KYAT3: variants seen among roughly 807,000 people sequenced by gnomAD.
The protein encoded by KYAT3 is kynurenine--oxoglutarate transaminase 3.
In KYAT3, 50 loss-of-function variants were observed where a neutral mutation model predicts 59.0. The observed-to-expected ratio is 0.85, with a 90% CI of 0.68 to 1.07. KYAT3 has a LOEUF of 1.07. Among genes scored for constraint, KYAT3 ranks in the 50% least tolerant of loss-of-function variants. The pLI, the probability that KYAT3 is intolerant of heterozygous loss-of-function variation, is 0.00. For synonymous variants in KYAT3, 148 were observed against 177.0 expected, an observed-to-expected ratio of 0.84 and a Z score of 1.30; for missense variants, 497 against 533.3, an observed-to-expected ratio of 0.93 and a Z score of 0.67.
intron 2 of KYAT3, among the ~76,000 whole-genome samples, chr1:88,986,858 G>A (rs370762195): frequency 9.9e-5 from 15 of 152,094 alleles, no homozygotes; most frequent in Non-Finnish European, 8.8e-5. Flanking sequence ...TTTTTCATTC[G>A]TCCAGCAATA....
intron 2 of KYAT3, chr1:88,982,765 C>G: frequency 1.2e-6 from 2 of 1,613,928 alleles, no homozygotes; most frequent in Non-Finnish European, 1.7e-6. Flanking sequence ...AAGGGTACCC[C>G]CTTTCTACAG....
chr1:88,947,512 G>C (rs902943216), intron 11 of KYAT3, among the ~76,000 whole-genome samples: 2 of 152,146 alleles, frequency 1.3e-5, no homozygotes, highest in Non-Finnish European at 2.9e-5. Flanking sequence ...GAGCCACAAG[G>C]ATGTCTGCCA....
At chr1:88,983,882 T>C in intron 2 of KYAT3, 1 of 1,608,866 alleles carries the variant, frequency 6.2e-7, no homozygotes, top group African/African-American at 1.3e-5. Context: ...TCCAACAAGC[T>C]CGCCGACAGG....
At chr1:88,948,214 C>T (rs1453237905) in intron 11 of KYAT3, among the ~76,000 whole-genome samples, 1 of 152,176 alleles carries the variant, frequency 6.6e-6, no homozygotes, top group Non-Finnish European at 1.5e-5. Context: ...ATTTCCTTTA[C>T]TCTTTCCAGC....
intron 6 of KYAT3, 106 bp from the exon 7 acceptor site, chr1:88,961,612 A>G: frequency 1.0e-6 from 1 of 952,634 alleles, no homozygotes; most frequent in Non-Finnish European, 1.5e-6. Context: ...AGTCATGGCA[A>G]AGGAAACTGA....
intron 1 of KYAT3, 101 bp downstream of exon 1, chr1:88,992,484 C>CA (rs1433224300): frequency 6.6e-6 from 1 of 152,656 alleles, no homozygotes; most frequent in East Asian, 1.9e-4. Flanking sequence ...GCGACTCCGG[C>CA]AAGAGGAGCC....
intron 9 of KYAT3, among the ~76,000 whole-genome samples, chr1:88,954,718 A>G (rs1186389321): frequency 1.3e-5 from 2 of 152,248 alleles, no homozygotes; most frequent in African/African-American, 4.8e-5. Context: ...ATCACCAGGT[A>G]TAAAAATCTA....
intron 2 of KYAT3, among the ~76,000 whole-genome samples, chr1:88,985,881 CA>C (rs1677420829): frequency 1.3e-5 from 2 of 152,140 alleles, no homozygotes; most frequent in Admixed American, 6.5e-5. Context: ...GATACTTTCA[CA>C]TCAAAAGAGA....
chr1:88,940,767 A>G (rs1007340491), intron 13 of KYAT3, among the ~76,000 whole-genome samples: 1 of 152,220 alleles, frequency 6.6e-6, no homozygotes, highest in Non-Finnish European at 1.5e-5. Context: ...CTTGCCTTAC[A>G]TAGTTTCCAG....
intron 13 of KYAT3, among the ~76,000 whole-genome samples, chr1:88,939,242 TTTA>T: frequency 6.6e-6 from 1 of 152,356 alleles, no homozygotes; most frequent in Non-Finnish European, 1.5e-5. Flanking sequence ...TTGCCTTAAA[TTTA>T]TTTACTTTTA....
the KYAT3 span, among the ~76,000 whole-genome samples, chr1:88,926,088 T>A: frequency 1.3e-5 from 2 of 152,182 alleles, no homozygotes; most frequent in South Asian, 4.1e-4. Context: ...AAAATTAGCC[T>A]TTAGAGGAAA....
intron 8 of KYAT3, 83 bp from the exon 9 acceptor site, chr1:88,955,308 T>C (rs1675865602): frequency 3.7e-6 from 3 of 805,954 alleles, no homozygotes; most frequent in Admixed American, 2.2e-5. Flanking sequence ...CAAAGATACA[T>C]AAATTCAATG....
intron 10 of KYAT3, among the ~76,000 whole-genome samples, chr1:88,950,963 G>A (rs1217351652): frequency 6.6e-6 from 1 of 152,106 alleles, no homozygotes; most frequent in Non-Finnish European, 1.5e-5. Context: ...TTCCATTCCA[G>A]TCTCTGTGCT....
At chr1:88,968,610 C>G (rs1676431956) in intron 4 of KYAT3, 60 bp downstream of exon 4, 1 of 1,352,904 alleles carries the variant, frequency 7.4e-7, no homozygotes, top group African/African-American at 1.5e-5. Flanking sequence ...TGCACACACA[C>G]AGACACACAC....
At chr1:88,978,426 C>A (rs913660384) in intron 2 of KYAT3, among the ~76,000 whole-genome samples, 3 of 152,056 alleles carry the variant, frequency 2.0e-5, no homozygotes, top group Non-Finnish European at 4.4e-5. Context: ...GCAGCCTCAA[C>A]CTCCTGGCTA....
At chr1:88,968,626 T>C (rs766926734) in intron 4 of KYAT3, 44 bp downstream of exon 4, 2 of 1,457,610 alleles carry the variant, frequency 1.4e-6, no homozygotes, top group Admixed American at 2.6e-5. Flanking sequence ...CACACCCCAG[T>C]ATAAAATAAA....
chr1:88,932,055 AG>A (rs1167524341), downstream of KYAT3, among the ~76,000 whole-genome samples: 1 of 152,154 alleles, frequency 6.6e-6, no homozygotes, highest in Admixed American at 6.5e-5. Flanking sequence ...CCCTCACTCC[AG>A]GGTGCACGCA....
intron 13 of KYAT3, among the ~76,000 whole-genome samples, chr1:88,938,641 G>A (rs186553891): frequency 2.6e-3 from 398 of 152,196 alleles, no homozygotes; most frequent in Non-Finnish European, 4.2e-3. Context: ...GTGATATTTG[G>A]TTTTCTGTTC....
chr1:88,942,831 C>T (rs534143187), intron 13 of KYAT3, among the ~76,000 whole-genome samples, 174 bp downstream of exon 13: 3 of 151,798 alleles, frequency 2.0e-5, no homozygotes, highest in East Asian at 1.9e-4. Flanking sequence ...CAAAGTGCTG[C>T]GATTACAGGC....
Sources: allele counts gnomAD v4.1 joint callset (sites outside exome capture counted in the v4.1 genomes callset), GRCh38; gene constraint gnomAD v4.1.1; transcripts MANE v1.5; gene names NCBI Gene and HGNC (gene_info 2026-07-23, HGNC 2026-07-21).